COL14A1: variants seen among roughly 807,000 people sequenced by gnomAD.
COL14A1 encodes collagen alpha-1(XIV) chain.
In COL14A1, 136 loss-of-function variants were observed where a neutral mutation model predicts 230.3. That is an observed-to-expected ratio of 0.59 (90% CI 0.51 to 0.68). The LOEUF (loss-of-function observed/expected upper bound fraction) is 0.68, where lower values mean the gene tolerates loss of function less well. COL14A1 is among the 30% of genes least tolerant of loss of function. The pLI is 0.00. For missense variants in COL14A1, 1,976 were observed against 2,215.8 expected (o/e 0.89, Z 2.17); for synonymous variants, 792 against 784.1 (o/e 1.01, Z -0.17).
intron 40 of COL14A1, among the ~76,000 whole-genome samples, chr8:120,322,690 C>T (rs1342242080): frequency 1.3e-5 from 2 of 151,330 alleles, no homozygotes; most frequent in South Asian, 2.1e-4. Context: ...GGATAATGGC[C>T]TTCAGCTCCA....
chr8:120,360,109 C>T (rs1823138500), intron 45 of COL14A1, among the ~76,000 whole-genome samples: 1 of 152,100 alleles, frequency 6.6e-6, no homozygotes, highest in Non-Finnish European at 1.5e-5. Context: ...ATTGAGTGGC[C>T]CCACTTAATG....
chr8:120,326,382 G>T (rs1821670501), intron 40 of COL14A1, among the ~76,000 whole-genome samples: 1 of 152,202 alleles, frequency 6.6e-6, no homozygotes, highest in African/African-American at 2.4e-5. Flanking sequence ...ACTCTTAGAA[G>T]AGTGACTGTC....
intron 36 of COL14A1, among the ~76,000 whole-genome samples, chr8:120,306,773 A>G (rs1006949079): frequency 6.6e-5 from 10 of 152,234 alleles, no homozygotes; most frequent in African/African-American, 2.4e-4. Flanking sequence ...GGTGCCTCTG[A>G]CATGAATATC....
At chr8:120,217,377 T>G (rs1334507250) in intron 14 of COL14A1, among the ~76,000 whole-genome samples, 1 of 152,210 alleles carries the variant, frequency 6.6e-6, no homozygotes, top group Non-Finnish European at 1.5e-5. Flanking sequence ...TGGAAATGTG[T>G]TTTAGCAAAA....
At chr8:120,245,434 C>T (rs1195106790) in intron 20 of COL14A1, among the ~76,000 whole-genome samples, 1 of 152,114 alleles carries the variant, frequency 6.6e-6, no homozygotes, top group Non-Finnish European at 1.5e-5. Flanking sequence ...GACCATGTTC[C>T]TCAAATGAGA....
intron 23 of COL14A1, among the ~76,000 whole-genome samples, chr8:120,258,788 T>A (rs1819240491): frequency 6.6e-6 from 1 of 152,198 alleles, no homozygotes; most frequent in Admixed American, 6.5e-5. Flanking sequence ...TGGTTGGCCT[T>A]GGGTAATTCA....
intron 40 of COL14A1, among the ~76,000 whole-genome samples, chr8:120,326,587 A>G (rs1047054193): frequency 1.5e-4 from 23 of 152,306 alleles, no homozygotes; most frequent in African/African-American, 5.5e-4. Flanking sequence ...TTAATTTTCT[A>G]GGGTTATGAA....
At chr8:120,171,097 C>T (rs1411305115) in intron 5 of COL14A1, among the ~76,000 whole-genome samples, 1 of 151,858 alleles carries the variant, frequency 6.6e-6, no homozygotes, top group Admixed American at 6.6e-5. Flanking sequence ...GACCAAGTTT[C>T]TTTTTTCTTT....
intron 26 of COL14A1, among the ~76,000 whole-genome samples, chr8:120,273,366 A>T (rs558343736): frequency 1.2e-4 from 18 of 152,000 alleles, no homozygotes; most frequent in African/African-American, 4.3e-4. Flanking sequence ...TGGCAACCTA[A>T]TGTCACACCT....
At chr8:120,162,674 T>G in intron 4 of COL14A1, 105 bp downstream of exon 4, 1 of 1,009,280 alleles carries the variant, frequency 9.9e-7, no homozygotes. Flanking sequence ...ATTTTTCAGA[T>G]TTATAGAGAT....
chr8:120,229,806 A>T (rs1818213279), intron 18 of COL14A1, among the ~76,000 whole-genome samples: 1 of 152,132 alleles, frequency 6.6e-6, no homozygotes, highest in Non-Finnish European at 1.5e-5. Flanking sequence ...TTGCCATTCT[A>T]ACTGGTGTGA....
intron 17 of COL14A1, among the ~76,000 whole-genome samples, chr8:120,227,653 G>A (rs1322732757): frequency 6.6e-6 from 1 of 152,128 alleles, no homozygotes. Context: ...TCAAATGGAT[G>A]GATGGATAGA....
chr8:120,289,137 C>T (rs1336195682), intron 33 of COL14A1, among the ~76,000 whole-genome samples: 1 of 152,184 alleles, frequency 6.6e-6, no homozygotes, highest in Non-Finnish European at 1.5e-5. Flanking sequence ...TCTTCCCCCT[C>T]AGATTCTAGA....
chr8:120,218,976 C>T (rs1817848241), intron 14 of COL14A1, among the ~76,000 whole-genome samples: 1 of 151,754 alleles, frequency 6.6e-6, no homozygotes, highest in Non-Finnish European at 1.5e-5. Flanking sequence ...GAGCATCCTC[C>T]TTTGGTAATA....
chr8:120,240,960 G>A (rs1031340949), intron 19 of COL14A1, among the ~76,000 whole-genome samples: 3 of 152,138 alleles, frequency 2.0e-5, no homozygotes, highest in Admixed American at 1.3e-4. Flanking sequence ...CATACATTTT[G>A]TTGTCAGGGT....
chr8:120,370,837 T>C, intron 47 of COL14A1: 2 of 1,349,652 alleles, frequency 1.5e-6, no homozygotes, highest in Non-Finnish European at 1.9e-6. Flanking sequence ...TAACATGAGA[T>C]TTTTTAAAAA....
At chr8:120,186,265 A>G (rs1278061066) in intron 5 of COL14A1, among the ~76,000 whole-genome samples, 1 of 152,232 alleles carries the variant, frequency 6.6e-6, no homozygotes, top group Non-Finnish European at 1.5e-5. Context: ...ATCTCTACAC[A>G]GTAACAGTGA....
At chr8:120,251,566 T>C (rs1818952250) in intron 22 of COL14A1, among the ~76,000 whole-genome samples, 1 of 152,180 alleles carries the variant, frequency 6.6e-6, no homozygotes, top group Non-Finnish European at 1.5e-5. Context: ...ACCCACACAA[T>C]AATGCAATGT....
rs1817097261 is a variant in COL14A1 at position 120,197,942 on chromosome 8, T to C, written c.712+12T>C. On this transcript the variant is annotated intron_variant, in intron 7 of 47. Transcript: ENST00000297848. ...AAATACACTAACAGGTATGTTTTGT[T>C]CAATCCATGTTATAACAACATATCT... 1 of 1,612,552 alleles carries C rather than the reference T, an allele frequency of 6.2e-7. No individual in the cohort carries two copies. The highest frequency in any genetic ancestry group is 1.3e-5 in the African/African-American group (1 of 74,900).
Sources: allele counts gnomAD v4.1 joint callset (sites outside exome capture counted in the v4.1 genomes callset), GRCh38; gene constraint gnomAD v4.1.1; transcripts MANE v1.5; gene names NCBI Gene and HGNC (gene_info 2026-07-23, HGNC 2026-07-21).